SCN2A: variants seen among roughly 807,000 people sequenced by gnomAD.
SCN2A encodes the protein sodium channel protein type 2 subunit alpha.
A neutral mutation model predicts 188.7 loss-of-function variants in SCN2A; 20 were observed. The ratio of observed to expected loss-of-function variants is 0.11; its 90% CI spans 0.07 to 0.15. The LOEUF (loss-of-function observed/expected upper bound fraction) is 0.15, where lower values mean the gene tolerates loss of function less well. Among genes scored for constraint, SCN2A ranks in the 10% least tolerant of loss-of-function variants. The probability of loss-of-function intolerance (pLI) is 1.00; values close to 1 mark genes in which losing one functional copy is unlikely to be tolerated. For synonymous variants in SCN2A, 804 were observed against 833.1 expected (o/e 0.97, Z 0.60); for missense variants, 1,278 against 2,445.0 (o/e 0.52, Z 10.07).
At chr2:165,278,980 CAGGCAGGA>C (rs1273099119) in intron 1 of SCN2A, among the ~76,000 whole-genome samples, 1 of 151,590 alleles carries the variant, frequency 6.6e-6, no homozygotes, top group East Asian at 1.9e-4. Flanking sequence ...GAAAGGCAGG[CAGGCAGGA>C]AGGAAGGAAG....
At chr2:165,303,127 G>C (rs1365603147) in intron 3 of SCN2A, among the ~76,000 whole-genome samples, 2 of 152,008 alleles carry the variant, frequency 1.3e-5, no homozygotes, top group African/African-American at 2.4e-5. Flanking sequence ...AAATAATATA[G>C]GATGTATGCA....
At chr2:165,283,666 C>G (rs1333564306) in intron 1 of SCN2A, among the ~76,000 whole-genome samples, 1 of 152,176 alleles carries the variant, frequency 6.6e-6, no homozygotes, top group Non-Finnish European at 1.5e-5. Context: ...CTATAAACAT[C>G]TTAGGTATAG....
At chr2:165,311,972 GA>G (rs903420024) in intron 7 of SCN2A, 52 bp from the exon 8 acceptor site, 2 of 1,325,976 alleles carry the variant, frequency 1.5e-6, no homozygotes, top group African/African-American at 2.9e-5. Flanking sequence ...CAGGGTGGCT[GA>G]AGTGTTTTAC....
At chr2:165,296,761 C>T (rs1696532255) in intron 2 of SCN2A, 1 of 260,912 alleles carries the variant, frequency 3.8e-6, no homozygotes, top group South Asian at 1.1e-4. Flanking sequence ...TACATTAAAA[C>T]TTGATAAAGT....
rs772171413 is a variant in SCN2A, at chr2:165,388,613, T to C, written c.4823-16T>C. 4 of 1,613,602 alleles carry C rather than the reference T, an allele frequency of 2.5e-6. No individual in the cohort carries two copies. Among genetic ancestry groups the C allele is most frequent in the South Asian group, 2.2e-5 (2 of 91,064 alleles). On this transcript the variant is annotated splice_polypyrimidine_tract_variant and intron_variant, in intron 26 of 26. Coordinates refer to ENST00000375437, the MANE Select transcript of SCN2A (RefSeq NM_001040142.2). ...TAAGTATAACAATATTTTTGTTATT[T>C]GTTGATTTTCTACAGGAATGTTTCT...
intron 11 of SCN2A, among the ~76,000 whole-genome samples, chr2:165,320,637 G>T (rs996962891): frequency 2.0e-5 from 3 of 152,202 alleles, no homozygotes; most frequent in South Asian, 2.1e-4. Flanking sequence ...TGCACTGACA[G>T]GCTCAACACC....
chr2:165,372,915 C>A, intron 20 of SCN2A: 1 of 249,038 alleles, frequency 4.0e-6, no homozygotes, highest in Non-Finnish European at 7.9e-6. Flanking sequence ...TTTTTCTTTA[C>A]TTTTAATTTT....
intron 1 of SCN2A, chr2:165,267,432 TG>T (rs1264741768): frequency 2.0e-5 from 3 of 151,936 alleles, no homozygotes; most frequent in African/African-American, 4.8e-5. Context: ...TGGAAAAACT[TG>T]GTATCCACAT....
At chr2:165,276,987 A>T (rs1459632882) in intron 1 of SCN2A, among the ~76,000 whole-genome samples, 2 of 152,200 alleles carry the variant, frequency 1.3e-5, no homozygotes, top group African/African-American at 4.8e-5. Flanking sequence ...CATCCTGGCT[A>T]ACATGGTGAA....
At chr2:165,297,335 T>C (rs1696565060) in intron 3 of SCN2A, among the ~76,000 whole-genome samples, 200 bp downstream of exon 3, 1 of 152,206 alleles carries the variant, frequency 6.6e-6, no homozygotes, top group Non-Finnish European at 1.5e-5. Flanking sequence ...GTTTCTTCTC[T>C]ACCCAACTCA....
chr2:165,286,715 G>C (rs182536034), intron 1 of SCN2A, among the ~76,000 whole-genome samples: 34 of 152,290 alleles, frequency 2.2e-4, no homozygotes, highest in African/African-American at 8.2e-4. Context: ...AGGTATTGTT[G>C]CCTGGATGAA....
chr2:165,314,804 A>G (rs1250780889), intron 10 of SCN2A, among the ~76,000 whole-genome samples: 1 of 152,162 alleles, frequency 6.6e-6, no homozygotes, highest in East Asian at 1.9e-4. Flanking sequence ...CTTTTCATGT[A>G]TGGTGAATAC....
intron 16 of SCN2A, among the ~76,000 whole-genome samples, chr2:165,348,049 A>G (rs1426032750): frequency 1.3e-5 from 2 of 152,164 alleles, no homozygotes; most frequent in African/African-American, 4.8e-5. Context: ...AATGACTACC[A>G]TAACAAGTAA....
At chr2:165,265,255 G>A (rs1694788322) in intron 1 of SCN2A, among the ~76,000 whole-genome samples, 1 of 150,674 alleles carries the variant, frequency 6.6e-6, no homozygotes, top group South Asian at 2.1e-4. Flanking sequence ...ATGCTTTGTT[G>A]GCCACAACAT....
At chr2:165,259,881 A>G (rs1694496340) in intron 1 of SCN2A, among the ~76,000 whole-genome samples, 1 of 151,356 alleles carries the variant, frequency 6.6e-6, no homozygotes, top group African/African-American at 2.4e-5. Flanking sequence ...TACTTTGCCC[A>G]GACCCATTCA....
chr2:165,261,526 G>A (rs185014665), intron 1 of SCN2A, among the ~76,000 whole-genome samples: 1 of 152,314 alleles, frequency 6.6e-6, no homozygotes, highest in African/African-American at 2.4e-5. Context: ...TTTAACCTTG[G>A]CTTTGCTCTA....
At chr2:165,265,472 T>TATATAA (rs1694805859) in intron 1 of SCN2A, among the ~76,000 whole-genome samples, 2 of 12,974 alleles carry the variant, frequency 1.5e-4, no homozygotes, top group Non-Finnish European at 3.1e-4. Context: ...TCTGTTGATC[T>TATATAA]ATATATATAT....
chr2:165,298,764 C>G (rs1696637499), intron 3 of SCN2A, among the ~76,000 whole-genome samples: 1 of 152,066 alleles, frequency 6.6e-6, no homozygotes, highest in South Asian at 2.1e-4. Flanking sequence ...ATAAACTATT[C>G]ATTATATTTT....
At chr2:165,368,501 T>G (rs1700850841) in intron 19 of SCN2A, among the ~76,000 whole-genome samples, 1 of 152,168 alleles carries the variant, frequency 6.6e-6, no homozygotes, top group Admixed American at 6.5e-5. Context: ...CTTGTTCCTG[T>G]CAAAATTGCT....
Sources: allele counts gnomAD v4.1 joint callset (sites outside exome capture counted in the v4.1 genomes callset), GRCh38; gene constraint gnomAD v4.1.1; transcripts MANE v1.5; gene names NCBI Gene and HGNC (gene_info 2026-07-23, HGNC 2026-07-21).